Variants in CARNS1 observed in about 807,000 individuals in gnomAD.
The protein encoded by CARNS1 is carnosine synthase 1.
Under a neutral mutation model 74.0 loss-of-function variants are expected in CARNS1, and 61 were observed. The observed-to-expected ratio is 0.82, with a 90% CI of 0.67 to 1.02. The LOEUF is 1.02. Ranked by LOEUF, CARNS1 falls within the 50% of genes least tolerant of loss-of-function variation. The pLI, the probability that CARNS1 is intolerant of heterozygous loss-of-function variation, is 0.00. For synonymous variants in CARNS1, 568 were observed against 605.5 expected (o/e 0.94, Z 0.91); for missense variants, 1,278 against 1,308.4 (o/e 0.98, Z 0.36).
At position 67,419,215 on chromosome 11, in the gene CARNS1, G is replaced by A. The variant is rs181358688; in HGVS notation, c.824G>A (p.Arg275His). The A allele has an allele frequency of 6.6e-4, 986 of 1,492,334 alleles. 3 individuals carry two copies. In the East Asian group the frequency reaches 0.016, roughly 24 times the overall value. The allele number at this position is 1,492,334 out of a possible 1,614,324, so 92.4% of individuals were successfully genotyped here. The change falls in exon 5 of 10, where the codon CGC becomes CAC. Residue 275 changes from arginine (R) to histidine (H), a missense_variant. Arg to His is a conservative substitution (Grantham distance 29). This residue lies in a region of CARNS1 where 1,164 missense variants were observed against 1,156.5 expected (regional missense o/e 1.01). Coordinates refer to ENST00000687366, the MANE Select transcript of CARNS1 (RefSeq NM_001166222.2). ...AAAGAGGAAGTGGAGGCTTTTCTGC[G>A]CTCCGAGGCCCTGGGTGATATCCTG... ...LVKEEVEAFLRSEALGDILQV... is the reference protein window; with the variant it reads ...LVKEEVEAFLHSEALGDILQV...
chr11:67,420,201 G>A (rs1328752303), intron 7 of CARNS1, among the ~76,000 whole-genome samples: 2 of 152,186 alleles, frequency 1.3e-5, no homozygotes, highest in African/African-American at 4.8e-5. Context: ...AAGCTGGAGA[G>A]TCAGGAAGGC....
chr11:67,425,042 A>C lies in CARNS1; in HGVS notation c.*441A>C, dbSNP rs987884952. 1 of 467,782 alleles carries C rather than the reference A, an allele frequency of 2.1e-6. No individual in the cohort carries two copies. Among genetic ancestry groups the C allele is most frequent in the Non-Finnish European group, 4.3e-6 (1 of 235,210 alleles). 29.0% of individuals were successfully genotyped at this position (467,782 alleles called of 1,614,324 possible). On this transcript the variant is annotated 3_prime_UTR_variant, in exon 10 of 10. Coordinates refer to ENST00000687366, the MANE Select transcript of CARNS1 (RefSeq NM_001166222.2). ...ACAAATCCTGGGAAAACCTGAGACT[A>C]GAACCCTTGTCTTCCTCTTACCCAA...
chr11:67,417,125 C>A, intron 2 of CARNS1: 1 of 1,183,596 alleles, frequency 8.4e-7, no homozygotes. Flanking sequence ...CAAGCTAAGG[C>A]GGAGCCCAGC....
Position 67,416,448 on chromosome 11 carries a change from G to C in CARNS1, c.3+246G>C, listed in dbSNP as rs1863546296. 1.4e-5 allele frequency: 19 copies of C among 1,355,368 alleles called. No homozygotes were observed. In the South Asian group the frequency reaches 3.0e-4, roughly 22 times the overall value. The allele number at this position is 1,355,368 out of a possible 1,614,324, so 84.0% of individuals were successfully genotyped here. A position where few individuals can be genotyped will look rare whatever the true frequency, so the allele number is the denominator to read the frequency against. On this transcript the variant is annotated intron_variant, in intron 2 of 9. Transcript: ENST00000687366. ...AGCTCACCTTCTAGGAGACGGCACA[G>C]AGGCTCTGGCCCTGGCAAACTGGGA... is the stretch of plus-strand genomic sequence containing the variant.
Position 67,419,642 on chromosome 11 carries a change from TGCCCAG to T in CARNS1, c.1009_1014del (p.Ala337_Gln338del). On this transcript the variant is annotated inframe_deletion, in exon 6 of 10. Coordinates refer to ENST00000687366, the MANE Select transcript of CARNS1 (RefSeq NM_001166222.2). ...TCCTGGTGGAGGCTGTGTACCCACC[TGCCCAG>T]CTGCCCTGCTCAGGTGAGAGCCACC... The T allele has an allele frequency of 6.3e-7, 1 of 1,596,934 alleles. No homozygotes were observed. Among genetic ancestry groups the T allele is most frequent in the South Asian group, 1.1e-5 (1 of 88,314 alleles).
Position 67,424,452 on chromosome 11 carries a change from C to A in CARNS1, c.2704C>A (p.Pro902Thr). ...CAATCTGCTGGAGGAGGCCCTGGTG[C>A]CTGGCGAGTATGAGGAGCCCTACTG... ...RLNLLEEALV[P>T]GEYEEPYCSV... The change falls in exon 10 of 10, where the codon CCT becomes ACT. Residue 902 changes from proline (P) to threonine (T), a missense_variant. Coordinates refer to ENST00000687366, the MANE Select transcript of CARNS1 (RefSeq NM_001166222.2). 6.3e-7 allele frequency: 1 copy of A among 1,589,070 alleles called. No individual in the cohort carries two copies. Among genetic ancestry groups the A allele is most frequent in the Admixed American group, 1.8e-5 (1 of 55,956 alleles).
At position 67,425,331 on chromosome 11, in the gene CARNS1, T is replaced by C; in HGVS notation, c.*730T>C. On this transcript the variant is annotated 3_prime_UTR_variant, in exon 10 of 10. Transcript: ENST00000687366. Reference sequence around the variant, plus strand: ...GTTTCTGTTTTGATCAAGTCTTACATGCCCATTCAGCTTCTAGGCCCCCCT... The same window carrying C: ...GTTTCTGTTTTGATCAAGTCTTACACGCCCATTCAGCTTCTAGGCCCCCCT... 1 of 323,442 alleles carries C rather than the reference T, an allele frequency of 3.1e-6. No homozygotes were observed. The highest frequency in any genetic ancestry group is 2.6e-5 in the South Asian group (1 of 39,000). 20.0% of individuals were successfully genotyped at this position (323,442 alleles called of 1,614,324 possible).
At position 67,419,832 on chromosome 11, in the gene CARNS1, G is replaced by A. The variant is rs771377503; in HGVS notation, c.1107G>A (p.Leu369=). The A allele has an allele frequency of 1.8e-5, 29 of 1,579,722 alleles. No individual in the cohort carries two copies. The highest frequency in any genetic ancestry group is 2.1e-5 in the Non-Finnish European group (25 of 1,163,580). ...GGACACAGGGTGATAGGCCACTGCTGAGCAAGGTGAGCGTGGCCCAGGCCC... is the reference window on the plus strand; with the variant it reads ...GGACACAGGGTGATAGGCCACTGCTAAGCAAGGTGAGCGTGGCCCAGGCCC... The part of the protein sequence containing the change: ...VCRTQGDRPL[L]SKVVCGVGRG... The change falls in exon 7 of 10, where the codon CTG becomes CTA. Residue 369 remains leucine, a synonymous_variant. Coordinates refer to ENST00000687366, the MANE Select transcript of CARNS1 (RefSeq NM_001166222.2).
At position 67,418,984 on chromosome 11, in the gene CARNS1, G is replaced by A. The variant is rs754188674; in HGVS notation, c.593G>A (p.Cys198Tyr). ...EAAELARDLT[C>Y]PTGASAELAR... ...GCAGAACTCGCCCGTGACCTGACCT[G>A]CCCCACAGGAGCTTCGGCTGAGCTG... The change falls in exon 5 of 10, where the codon TGC becomes TAC. Residue 198 changes from cysteine to tyrosine, a missense_variant. Cys to Tyr is a radical substitution (Grantham distance 194). Coordinates refer to ENST00000687366, the MANE Select transcript of CARNS1 (RefSeq NM_001166222.2). 1 of 1,565,204 alleles carries A rather than the reference G, an allele frequency of 6.4e-7. No homozygotes were observed. Among genetic ancestry groups the A allele is most frequent in the Non-Finnish European group, 8.7e-7 (1 of 1,155,662 alleles).
chr11:67,420,914 A>G, intron 8 of CARNS1, 25 bp from the exon 9 acceptor site: 2 of 1,360,854 alleles, frequency 1.5e-6, no homozygotes, highest in South Asian at 1.6e-5. Context: ...GCCGTAGCTG[A>G]GCTCGCGCCT....
rs1289462055 is a variant in CARNS1, at chr11:67,417,643, G to A, written c.240G>A (p.Pro80=). 37 of 1,270,794 alleles carry A rather than the reference G, an allele frequency of 2.9e-5. No homozygotes were observed. In the Admixed American group the frequency reaches 8.8e-4, roughly 30 times the overall value. The allele number at this position is 1,270,794 out of a possible 1,614,324, so 78.7% of individuals were successfully genotyped here. The change falls in exon 3 of 10, where the codon CCG becomes CCA. Residue 80 remains proline (P), a synonymous_variant. Transcript: ENST00000687366. ...LQSCLQQAGL[P]ETQDRGQVPR... ...GCTGTCTGCAGCAAGCTGGCCTTCC[G>A]GAGACTCAGGACCGCGGCCAGGTGC...
chr11:67,417,070 T>A, intron 2 of CARNS1: 1 of 1,072,400 alleles, frequency 9.3e-7, no homozygotes, highest in Non-Finnish European at 1.1e-6. Flanking sequence ...GGTGCTGGGG[T>A]TGCCTCCATG....
intron 2 of CARNS1, 151 bp from the exon 3 acceptor site, chr11:67,417,256 C>T (rs545698111): frequency 8.6e-5 from 107 of 1,237,514 alleles, no homozygotes; most frequent in Non-Finnish European, 1.0e-4. Flanking sequence ...AAGCCTTCGC[C>T]CCCAACACAA....
chr11:67,422,756 G>A (rs1468388956), intron 9 of CARNS1, among the ~76,000 whole-genome samples: 2 of 152,154 alleles, frequency 1.3e-5, no homozygotes, highest in Non-Finnish European at 2.9e-5. Flanking sequence ...CCACCTCTGT[G>A]TCCCCTGCCT....
At chr11:67,416,620 C>G (rs1863549178) in intron 2 of CARNS1, 1 of 1,013,004 alleles carries the variant, frequency 9.9e-7, no homozygotes, top group African/African-American at 1.7e-5. Flanking sequence ...TCCAAAGAGA[C>G]CTCACGACTT....
intron 9 of CARNS1, among the ~76,000 whole-genome samples, chr11:67,421,574 T>A (rs1863707833): frequency 6.6e-6 from 1 of 151,986 alleles, no homozygotes; most frequent in South Asian, 2.1e-4. Flanking sequence ...TGGCTCTGTC[T>A]TGGGGAAAGG....
In CARNS1 at chr11:67,425,256, G is replaced by C. The variant is rs1188566686; in HGVS notation, c.*655G>C. 2.7e-6 allele frequency: 1 copy of C among 364,034 alleles called. No individual in the cohort carries two copies. The highest frequency in any genetic ancestry group is 5.4e-6 in the Non-Finnish European group (1 of 184,556). 22.6% of individuals were successfully genotyped at this position (364,034 alleles called of 1,614,324 possible). On this transcript the variant is annotated 3_prime_UTR_variant, in exon 10 of 10. Transcript: ENST00000687366. Reference sequence around the variant, plus strand: ...TGAGAGAAGAAAAATGACTGCTCCAGGATTATACCACAGTGGAGAGCGGGT... The same window carrying C: ...TGAGAGAAGAAAAATGACTGCTCCACGATTATACCACAGTGGAGAGCGGGT...
At position 67,425,075 on chromosome 11, in the gene CARNS1, G is replaced by C; in HGVS notation, c.*474G>C. On this transcript the variant is annotated 3_prime_UTR_variant, in exon 10 of 10. Coordinates refer to ENST00000687366, the MANE Select transcript of CARNS1 (RefSeq NM_001166222.2). The stretch of plus-strand genomic sequence containing the variant: ...TGTCTTCCTCTTACCCAAATTCTAG[G>C]ATAGCTCTGAAGCCTGCTGGAAACT... 2.2e-6 allele frequency: 1 copy of C among 459,460 alleles called. No individual in the cohort carries two copies. The highest frequency in any genetic ancestry group is 1.5e-5 in the South Asian group (1 of 64,602). The allele number at this position is 459,460 out of a possible 1,614,324, so 28.5% of individuals were successfully genotyped here.
chr11:67,423,613 G>A lies in CARNS1; in HGVS notation c.1865G>A (p.Arg622His), dbSNP rs767073233. 16 of 1,609,704 alleles carry A rather than the reference G, an allele frequency of 9.9e-6. No individual in the cohort carries two copies. Among genetic ancestry groups the A allele is most frequent in the Middle Eastern group, 1.7e-4 (1 of 6,054 alleles). ...GLPCSSPAAM[R>H]LAKQKSLTQL... ...CCCTGCAGCTCCCCAGCTGCCATGC[G>A]CCTGGCTAAGCAGAAGAGCCTCACC... The change falls in exon 10 of 10, where the codon CGC becomes CAC. Residue 622 changes from arginine to histidine, a missense_variant. This residue lies in a region of CARNS1 where 1,164 missense variants were observed against 1,156.5 expected (regional missense o/e 1.01). Transcript: ENST00000687366. This position sits in a 1 kb window ranked among gnomAD's most constrained non-coding sequence, Gnocchi z 5.1.
Sources: allele counts gnomAD v4.1 joint callset (sites outside exome capture counted in the v4.1 genomes callset), GRCh38; gene constraint gnomAD v4.1.1; regional missense constraint gnomAD v4.1.1; non-coding constraint Gnocchi (gnomAD v3.1); transcripts MANE v1.5; gene names NCBI Gene and HGNC (gene_info 2026-07-23, HGNC 2026-07-21).